Variants in SFMBT1 observed in about 807,000 individuals in gnomAD.
The protein encoded by SFMBT1 is scm-like with four MBT domains protein 1.
Under a neutral mutation model 108.7 loss-of-function variants are expected in SFMBT1, and 32 were observed. That is an observed-to-expected ratio of 0.29 (90% confidence interval 0.22 to 0.40). The LOEUF is 0.40. Ranked by LOEUF, SFMBT1 falls within the 10% of genes least tolerant of loss-of-function variation. The pLI, the probability that SFMBT1 is intolerant of heterozygous loss-of-function variation, is 1.00. For synonymous variants in SFMBT1, 348 were observed against 369.5 expected (o/e 0.94, Z 0.67); for missense variants, 816 against 1,059.6 (o/e 0.77, Z 3.19).
chr3:52,952,402 T>C (rs77670157), intron 3 of SFMBT1, among the ~76,000 whole-genome samples: 1 of 152,204 alleles, frequency 6.6e-6, no homozygotes, highest in African/African-American at 2.4e-5. Context: ...AACATTGCTA[T>C]GGGCTAAACT....
chr3:53,038,748 T>C (rs1162727309), intron 1 of SFMBT1, among the ~76,000 whole-genome samples: 2 of 152,242 alleles, frequency 1.3e-5, no homozygotes, highest in African/African-American at 4.8e-5. Context: ...GTATCATTAT[T>C]ATGTAAGTCA....
At chr3:53,029,801 A>AG (rs1272461768) in intron 1 of SFMBT1, among the ~76,000 whole-genome samples, 1 of 149,586 alleles carries the variant, frequency 6.7e-6, no homozygotes. Context: ...TGGTGGGTGG[A>AG]GGGTGGGGAG....
In SFMBT1 at chr3:52,905,038, C is replaced by T; in HGVS notation, c.*98G>A. 6.6e-7 allele frequency: 1 copy of T among 1,504,788 alleles called. No individual in the cohort carries two copies. 93.2% of individuals were successfully genotyped at this position (1,504,788 alleles called of 1,614,324 possible). A position where few individuals can be genotyped will look rare whatever the true frequency, so the allele number is the denominator to read the frequency against. Reference sequence around the variant, plus strand: ...AGAGAGCAAGCTGATACCTGCAGGCCCCAGAGCCCCAGGACTATTCCAGCT... The same window carrying T: ...AGAGAGCAAGCTGATACCTGCAGGCTCCAGAGCCCCAGGACTATTCCAGCT... On this transcript the variant is annotated 3_prime_UTR_variant, in exon 21 of 21. Coordinates refer to ENST00000394752, the MANE Select transcript of SFMBT1 (RefSeq NM_016329.4).
intron 1 of SFMBT1, among the ~76,000 whole-genome samples, chr3:53,038,525 A>C (rs527286454): frequency 6.6e-6 from 1 of 152,358 alleles, no homozygotes; most frequent in Non-Finnish European, 1.5e-5. Flanking sequence ...TAGGAAACTC[A>C]TCCCACATTT....
chr3:53,017,317 C>A (rs1699159080), intron 1 of SFMBT1, among the ~76,000 whole-genome samples: 1 of 152,156 alleles, frequency 6.6e-6, no homozygotes, highest in African/African-American at 2.4e-5. Flanking sequence ...GAGGATGTTG[C>A]AGTCACTTTA....
chr3:52,913,460 T>C lies in SFMBT1; in HGVS notation c.1620+18A>G. The C allele has an allele frequency of 6.2e-7, 1 of 1,604,914 alleles. No homozygotes were observed. The highest frequency in any genetic ancestry group is 8.5e-7 in the Non-Finnish European group (1 of 1,177,366). Reference sequence around the variant, plus strand: ...CTGTGAAATTTCCAAGTTATTTTGCTCTAGGCCAGAACCTTACCTCTCTAA... The same window carrying C: ...CTGTGAAATTTCCAAGTTATTTTGCCCTAGGCCAGAACCTTACCTCTCTAA... On this transcript the variant is annotated intron_variant, in intron 15 of 20. Transcript: ENST00000394752.
intron 14 of SFMBT1, among the ~76,000 whole-genome samples, chr3:52,914,157 T>G (rs970489203): frequency 3.3e-5 from 5 of 152,156 alleles, no homozygotes; most frequent in Non-Finnish European, 7.4e-5. Flanking sequence ...AAGTTTTTTT[T>G]GTACTGTGGG....
intron 2 of SFMBT1, among the ~76,000 whole-genome samples, chr3:52,963,099 T>C (rs1250959526): frequency 2.6e-5 from 4 of 151,760 alleles, no homozygotes; most frequent in Non-Finnish European, 5.9e-5. Flanking sequence ...GTACAAGAGG[T>C]TCTCTTGCCT....
chr3:52,950,027 G>T (rs1167512045), intron 3 of SFMBT1, among the ~76,000 whole-genome samples: 1 of 151,802 alleles, frequency 6.6e-6, no homozygotes, highest in African/African-American at 2.4e-5. Flanking sequence ...ATATAGTTGG[G>T]TCATATTTTT....
At chr3:52,980,519 G>C (rs919269379) in intron 1 of SFMBT1, among the ~76,000 whole-genome samples, 1 of 152,110 alleles carries the variant, frequency 6.6e-6, no homozygotes, top group Non-Finnish European at 1.5e-5. Context: ...GATGCTGGAC[G>C]TGCTTTCAAG....
intron 1 of SFMBT1, among the ~76,000 whole-genome samples, chr3:53,014,708 C>A (rs190737849): frequency 1.0e-3 from 158 of 152,276 alleles, no homozygotes; most frequent in Middle Eastern, 3.4e-3. Flanking sequence ...GTGTCACAGT[C>A]TCTGACAGGG....
At chr3:52,991,754 T>C (rs1705140976) in intron 1 of SFMBT1, among the ~76,000 whole-genome samples, 1 of 152,136 alleles carries the variant, frequency 6.6e-6, no homozygotes, top group Non-Finnish European at 1.5e-5. Flanking sequence ...CTGCCCCTTC[T>C]TGCTTTCACA....
At chr3:52,916,703 AAC>A (rs1480050392) in intron 13 of SFMBT1, among the ~76,000 whole-genome samples, 6 of 149,230 alleles carry the variant, frequency 4.0e-5, no homozygotes, top group African/African-American at 9.8e-5. Flanking sequence ...CAACAACAAC[AAC>A]AAAAAACTAC....
intron 19 of SFMBT1, 109 bp downstream of exon 19, chr3:52,906,960 C>T: frequency 7.3e-7 from 1 of 1,369,326 alleles, no homozygotes; most frequent in Non-Finnish European, 9.7e-7. Flanking sequence ...GGAAATTCTA[C>T]ATAAGTCTGT....
At chr3:52,975,147 T>C (rs1227154920) in intron 1 of SFMBT1, among the ~76,000 whole-genome samples, 1 of 151,994 alleles carries the variant, frequency 6.6e-6, no homozygotes, top group East Asian at 1.9e-4. Context: ...AACTCAAGAA[T>C]AACCTAAACT....
In SFMBT1 at chr3:53,030,652, A is replaced by C. The variant is rs1575449747; in HGVS notation, c.-131+15164T>G. On this transcript the variant is annotated intron_variant, in intron 1 of 20. Transcript: ENST00000394752. ...AGGTCCCTTTCACCCTCCTCCTTTAAAATTACAGTAACTTTCAACTGGCCA... is the reference window on the plus strand; with the variant it reads ...AGGTCCCTTTCACCCTCCTCCTTTACAATTACAGTAACTTTCAACTGGCCA... Among the ~76,000 whole-genome samples the C allele has an allele frequency of 2.0e-5, 3 of 149,820 alleles. No homozygotes were observed. In the East Asian group the frequency reaches 5.9e-4, roughly 29 times the overall value.
intron 1 of SFMBT1, among the ~76,000 whole-genome samples, chr3:53,006,603 T>C (rs1698751152): frequency 6.9e-6 from 1 of 144,814 alleles, no homozygotes; most frequent in Non-Finnish European, 1.5e-5. Flanking sequence ...TACTCCAGCC[T>C]GGGCGACAGA....
At chr3:52,930,502 A>C in intron 7 of SFMBT1, 72 bp from the exon 8 acceptor site, 1 of 858,584 alleles carries the variant, frequency 1.2e-6, no homozygotes, top group East Asian at 2.4e-5. Context: ...TGTAGCTGTG[A>C]TTAACAGAAA....
chr3:52,931,262 T>A (rs1281302144), intron 6 of SFMBT1, among the ~76,000 whole-genome samples: 1 of 152,198 alleles, frequency 6.6e-6, no homozygotes, highest in Non-Finnish European at 1.5e-5. Context: ...TACAGTAAGA[T>A]CATAATGATT....
Sources: gnomAD v4.1 joint callset for allele counts (sites outside exome capture counted in the v4.1 genomes callset) on GRCh38, gnomAD v4.1.1 for gene constraint, MANE v1.5 for transcripts, NCBI Gene and HGNC (gene_info 2026-07-23, HGNC 2026-07-21) for gene names.